The following HMGXB4 variants were observed in gnomAD, a reference collection of about 807,000 sequenced individuals.
The protein encoded by HMGXB4 is HMG domain-containing protein 4.
Under a neutral mutation model 63.9 loss-of-function variants are expected in HMGXB4, and 27 were observed. The observed-to-expected ratio is 0.42, with a 90% confidence interval of 0.31 to 0.58. The LOEUF (loss-of-function observed/expected upper bound fraction) is 0.58, where lower values mean the gene tolerates loss of function less well. HMGXB4 is among the 20% of genes least tolerant of loss of function. The pLI is 0.13. For synonymous variants in HMGXB4, 264 were observed against 265.3 expected, an observed-to-expected ratio of 0.99 and a Z score of 0.05; for missense variants, 624 against 700.7, an observed-to-expected ratio of 0.89 and a Z score of 1.24.
chr22:35,253,132 C>CAAAAAAAAAAAAAAAAA (rs554912249), upstream of HMGXB4, among the ~76,000 whole-genome samples: 2 of 96,578 alleles, frequency 2.1e-5, no homozygotes, highest in Admixed American at 1.1e-4. Flanking sequence ...AACTCCATCT[C>CAAAAAAAAAAAAAAAAA]AAAAAAAAAA....
chr22:35,262,182 AGAAT>A, intron 1 of HMGXB4, 137 bp from the exon 2 acceptor site: 1 of 595,266 alleles, frequency 1.7e-6, no homozygotes, highest in Non-Finnish European at 3.0e-6. Flanking sequence ...ATTTACAAAG[AGAAT>A]GAGGAGGTGA....
intron 8 of HMGXB4, 122 bp from the exon 9 acceptor site, chr22:35,288,116 C>A (rs928115939): frequency 4.1e-6 from 3 of 726,642 alleles, no homozygotes; most frequent in African/African-American, 3.6e-5. Context: ...ATTTAGCCCA[C>A]AGGCCACAGT....
At chr22:35,254,514 T>A (rs902876315), upstream of HMGXB4, among the ~76,000 whole-genome samples, 1 of 152,246 alleles carries the variant, frequency 6.6e-6, no homozygotes, top group Non-Finnish European at 1.5e-5. Flanking sequence ...ATTACTGTTT[T>A]AAAGAACAAG....
At position 35,265,169 on chromosome 22, in the gene HMGXB4, TCTC is replaced by T. The variant is rs758222733; in HGVS notation, c.784_786del (p.Pro262del). 4 of 1,613,918 alleles carry T rather than the reference TCTC, an allele frequency of 2.5e-6. No individual in the cohort carries two copies. The highest frequency in any genetic ancestry group is 3.4e-6 in the Non-Finnish European group (4 of 1,180,016). On this transcript the variant is annotated inframe_deletion, in exon 5 of 11. Transcript: ENST00000216106. Reference sequence around the variant, plus strand: ...CAAGTCATCCTCAGACGCACATTCATCTCCTGGCCCTGAAGGCTGTGGGTCTGA... The same window carrying T: ...CAAGTCATCCTCAGACGCACATTCATCTGGCCCTGAAGGCTGTGGGTCTGA...
intron 1 of HMGXB4, among the ~76,000 whole-genome samples, chr22:35,261,548 TA>T (rs61534600): frequency 0.062 from 9,360 of 151,856 alleles, 378 homozygotes; most frequent in African/African-American, 0.11. Context: ...AAAAATTCAA[TA>T]AAAAATACAA....
chr22:35,282,240 A>T (rs1351907012), intron 5 of HMGXB4, among the ~76,000 whole-genome samples: 1 of 152,154 alleles, frequency 6.6e-6, no homozygotes, highest in Non-Finnish European at 1.5e-5. Context: ...GCAGTGGTGC[A>T]ATCTCGGCTT....
At chr22:35,245,578 T>C in the HMGXB4 span, among the ~76,000 whole-genome samples, 1 of 152,192 alleles carries the variant, frequency 6.6e-6, no homozygotes, top group Non-Finnish European at 1.5e-5. Flanking sequence ...GTTGGAGATC[T>C]TCCTGGTTCT....
At chr22:35,273,801 A>G (rs1923744142) in intron 5 of HMGXB4, among the ~76,000 whole-genome samples, 1 of 152,204 alleles carries the variant, frequency 6.6e-6, no homozygotes. Flanking sequence ...CCTACAGCTC[A>G]TTGGAGAGCT....
chr22:35,279,132 CTTTTTTTTTTTTTTTTT>C (rs551006065), intron 5 of HMGXB4, among the ~76,000 whole-genome samples: 3 of 50,802 alleles, frequency 5.9e-5, no homozygotes, highest in Non-Finnish European at 9.6e-5. Flanking sequence ...TATGGATTGT[CTTTTTTTTTTTTTTTTT>C]TTTTTTTTTT....
At position 35,274,423 on chromosome 22, in the gene HMGXB4, G is replaced by T. The variant is rs140845203; in HGVS notation, c.1215+8820G>T. Among the ~76,000 whole-genome samples, 7 of 152,344 alleles carry T rather than the reference G, an allele frequency of 4.6e-5. No individual in the cohort carries two copies. The East Asian group carries it at 1.4e-3, about 29-fold the overall frequency. ...TGCCAGGCTGGCCTTCTAGGAAGGG[G>T]CAGGAGAACTGAGTAGGAATTGGCA... On this transcript the variant is annotated intron_variant, in intron 5 of 10. Coordinates refer to ENST00000216106, the MANE Select transcript of HMGXB4 (RefSeq NM_001003681.3).
chr22:35,246,044 T>C, the HMGXB4 span, among the ~76,000 whole-genome samples: 1 of 152,232 alleles, frequency 6.6e-6, no homozygotes, highest in Admixed American at 6.5e-5. Context: ...TAATCTCCAC[T>C]GTCACTGTGG....
chr22:35,263,262 A>G (rs547556531), intron 3 of HMGXB4, 36 bp downstream of exon 3: 3 of 1,550,528 alleles, frequency 1.9e-6, no homozygotes, highest in African/African-American at 1.4e-5. Context: ...AAAGTCTTAA[A>G]CTACTCATTT....
At chr22:35,243,221 T>C in the HMGXB4 span, among the ~76,000 whole-genome samples, 1 of 151,992 alleles carries the variant, frequency 6.6e-6, no homozygotes, top group African/African-American at 2.4e-5. Context: ...AAATACAAAA[T>C]TAGCCAGGTG....
In HMGXB4 at chr22:35,265,278, C is replaced by T; in HGVS notation, c.890C>T (p.Ser297Phe). 1 of 1,613,984 alleles carries T rather than the reference C, an allele frequency of 6.2e-7. No individual in the cohort carries two copies. Among genetic ancestry groups the T allele is most frequent in the Non-Finnish European group, 8.5e-7 (1 of 1,180,004 alleles). The change falls in exon 5 of 11, where the codon TCC becomes TTC. Residue 297 changes from serine to phenylalanine, a missense_variant. By Grantham distance (155) the Ser-to-Phe change is radical. This residue lies in a region of HMGXB4 where 472 missense variants were observed against 470.6 expected (regional missense o/e 1.00). Coordinates refer to ENST00000216106, the MANE Select transcript of HMGXB4 (RefSeq NM_001003681.3). ...LEPILVESDSSSGGELEAGEL... is the reference protein window; with the variant it reads ...LEPILVESDSFSGGELEAGEL... ...CCTATTCTGGTAGAATCAGACTCAT[C>T]CTCTGGTGGGGAACTAGAGGCTGGG...
At chr22:35,243,305 G>A in the HMGXB4 span, among the ~76,000 whole-genome samples, 1 of 152,194 alleles carries the variant, frequency 6.6e-6, no homozygotes, top group South Asian at 2.1e-4. Context: ...AGGAGGTGGA[G>A]GTTGCAGTGA....
intron 2 of HMGXB4, 64 bp downstream of exon 2, chr22:35,262,485 G>A: frequency 6.7e-7 from 1 of 1,501,714 alleles, no homozygotes; most frequent in Non-Finnish European, 9.3e-7. Flanking sequence ...TGCAGCCCAT[G>A]GATATAGAGA....
chr22:35,252,608 T>A (rs528463587), upstream of HMGXB4, among the ~76,000 whole-genome samples: 1 of 152,264 alleles, frequency 6.6e-6, no homozygotes, highest in African/African-American at 2.4e-5. Context: ...TCTGTCAGTA[T>A]CAAGTTAGAT....
At chr22:35,282,615 T>A (rs1056352390) in intron 5 of HMGXB4, among the ~76,000 whole-genome samples, 1 of 152,236 alleles carries the variant, frequency 6.6e-6, no homozygotes, top group Non-Finnish European at 1.5e-5. Context: ...GATAACTCTT[T>A]CTTTATTTTA....
the HMGXB4 span, among the ~76,000 whole-genome samples, chr22:35,244,851 A>G: frequency 3.3e-5 from 5 of 152,204 alleles, no homozygotes; most frequent in Non-Finnish European, 5.9e-5. Context: ...ATACTCTCGT[A>G]ACAAAACTGC....
Sources: allele counts gnomAD v4.1 joint callset (sites outside exome capture counted in the v4.1 genomes callset), GRCh38; gene constraint gnomAD v4.1.1; regional missense constraint gnomAD v4.1.1; transcripts MANE v1.5; gene names NCBI Gene and HGNC (gene_info 2026-07-23, HGNC 2026-07-21).